Variants in RARB observed in about 807,000 individuals in gnomAD.
RARB encodes the protein HBV-activated protein.
A neutral mutation model predicts 51.9 loss-of-function variants in RARB; 17 were observed. The ratio of observed to expected loss-of-function variants is 0.33; its 90% CI spans 0.22 to 0.49. The LOEUF is 0.49. RARB is among the 20% of genes least tolerant of loss of function. The pLI is 0.99. For synonymous variants in RARB, 215 were observed against 195.4 expected (o/e 1.10, Z -0.84); for missense variants, 369 against 550.8 (o/e 0.67, Z 3.30).
chr3:25,149,817 C>G (rs1479761903), intron 4 of RARB, among the ~76,000 whole-genome samples: 9 of 152,334 alleles, frequency 5.9e-5, no homozygotes, highest in South Asian at 2.1e-4. Context: ...GTGTCATACT[C>G]CTCACGAGAG....
intron 3 of RARB, among the ~76,000 whole-genome samples, chr3:25,121,021 AC>A (rs913968827): frequency 2.6e-5 from 4 of 152,080 alleles, no homozygotes; most frequent in Admixed American, 2.6e-4. Context: ...ATAACCCCAA[AC>A]TGGTAATATA....
intron 2 of RARB, among the ~76,000 whole-genome samples, chr3:24,912,472 C>G (rs970588646): frequency 6.6e-6 from 1 of 152,070 alleles, no homozygotes; most frequent in Admixed American, 6.6e-5. Flanking sequence ...TGAGTATCTT[C>G]CAGATATAAG....
intron 5 of RARB, among the ~76,000 whole-genome samples, chr3:25,231,435 T>C (rs113130054): frequency 2.6e-5 from 4 of 152,262 alleles, no homozygotes; most frequent in South Asian, 2.1e-4. Context: ...GAAATCCTTA[T>C]AGACCTTTAG....
intron 3 of RARB, among the ~76,000 whole-genome samples, chr3:25,112,714 G>A (rs1177733161): frequency 1.3e-5 from 2 of 152,068 alleles, no homozygotes; most frequent in East Asian, 1.9e-4. Flanking sequence ...GGAGTTCTAG[G>A]CTGCAGTGAG....
At chr3:25,276,255 G>A (rs1417589758) in intron 5 of RARB, among the ~76,000 whole-genome samples, 1 of 152,094 alleles carries the variant, frequency 6.6e-6, no homozygotes, top group Non-Finnish European at 1.5e-5. Flanking sequence ...ATGTTTAGTA[G>A]TGATCTTGAG....
chr3:24,981,975 C>T (rs1411189480), intron 2 of RARB, among the ~76,000 whole-genome samples: 1 of 152,194 alleles, frequency 6.6e-6, no homozygotes, highest in Non-Finnish European at 1.5e-5. Flanking sequence ...AGTGTAGCTA[C>T]TGTGACCTTA....
intron 2 of RARB, among the ~76,000 whole-genome samples, chr3:24,892,012 T>A (rs572675922): frequency 1.3e-5 from 2 of 151,916 alleles, no homozygotes; most frequent in African/African-American, 4.8e-5. Flanking sequence ...AGAATACGGG[T>A]CCCGTGCCCA....
At chr3:24,901,572 A>C (rs1236438121) in intron 2 of RARB, among the ~76,000 whole-genome samples, 1 of 152,242 alleles carries the variant, frequency 6.6e-6, no homozygotes, top group African/African-American at 2.4e-5. Context: ...ATGTAACTAT[A>C]TCATTATCAA....
chr3:25,252,484 A>G (rs9841580), intron 5 of RARB, among the ~76,000 whole-genome samples: 2,953 of 152,298 alleles, frequency 0.019, 94 homozygotes, highest in African/African-American at 0.067. Context: ...TGAACATGGT[A>G]TATCTTTCCA....
chr3:25,078,541 T>TTC (rs1698922365), intron 3 of RARB, among the ~76,000 whole-genome samples: 1 of 151,336 alleles, frequency 6.6e-6, no homozygotes, highest in Admixed American at 6.6e-5. Context: ...TCTATTTTTT[T>TTC]TTTTTTTCTT....
intron 4 of RARB, among the ~76,000 whole-genome samples, chr3:25,138,542 A>C (rs540076269): frequency 2.0e-5 from 3 of 152,238 alleles, no homozygotes; most frequent in African/African-American, 7.2e-5. Flanking sequence ...TAGTAACATG[A>C]GTCTCTTTCT....
chr3:24,882,829 C>G (rs1265507767), intron 2 of RARB, among the ~76,000 whole-genome samples: 1 of 152,170 alleles, frequency 6.6e-6, no homozygotes, highest in Non-Finnish European at 1.5e-5. Context: ...CATGGGAAAT[C>G]CCGTTCTCCT....
intron 5 of RARB, among the ~76,000 whole-genome samples, chr3:25,410,700 A>T (rs576035837): frequency 6.6e-6 from 1 of 152,314 alleles, no homozygotes; most frequent in African/African-American, 2.4e-5. Context: ...TATAAGAACT[A>T]ATTTTTGGTA....
intron 2 of RARB, chr3:25,025,261 G>A (rs544052324): frequency 6.6e-6 from 1 of 152,156 alleles, no homozygotes; most frequent in African/African-American, 2.4e-5. Context: ...TGTCATTCAG[G>A]TGATAGCAAA....
intron 5 of RARB, chr3:25,324,092 T>A (rs977080247): frequency 1.3e-5 from 2 of 152,196 alleles, no homozygotes; most frequent in African/African-American, 4.8e-5. Flanking sequence ...AGATACTGTG[T>A]ACTATTGAAG....
intron 5 of RARB, among the ~76,000 whole-genome samples, chr3:25,380,591 G>C (rs1351500159): frequency 6.8e-6 from 1 of 147,122 alleles, no homozygotes; most frequent in Non-Finnish European, 1.5e-5. Context: ...TCTTGCTCAA[G>C]AAAAAAAATA....
intron 2 of RARB, among the ~76,000 whole-genome samples, chr3:24,952,873 G>GTT (rs1349516752): frequency 7.0e-6 from 1 of 142,274 alleles, no homozygotes; most frequent in Non-Finnish European, 1.6e-5. Context: ...AGTAAAACTG[G>GTT]TATTTTTTTT....
chr3:25,135,082 G>C (rs1490798888), intron 4 of RARB, among the ~76,000 whole-genome samples: 1 of 149,586 alleles, frequency 6.7e-6, no homozygotes, highest in African/African-American at 2.5e-5. Flanking sequence ...GAGTTTAATA[G>C]GCCTAGGACC....
rs200089689 is a variant in RARB at position 24,882,247 on chromosome 3, C to CA, written c.-380+23496dup. On this transcript the variant is annotated intron_variant, in intron 2 of 11. Transcript: ENST00000383772. ...GAGTTACATTAAACATAACTGATTA[C>CA]AGTCGGCCCTTTGTACCCGTGAATT... Among the ~76,000 whole-genome samples the CA allele has an allele frequency of 7.3e-3, 1,115 of 152,292 alleles. 13 individuals are homozygous for CA. Among genetic ancestry groups the CA allele is most frequent in the African/African-American group, 0.026 (1,063 of 41,558 alleles).
Sources: gnomAD v4.1 joint callset for allele counts (sites outside exome capture counted in the v4.1 genomes callset) on GRCh38, gnomAD v4.1.1 for gene constraint, MANE v1.5 for transcripts, NCBI Gene and HGNC (gene_info 2026-07-23, HGNC 2026-07-21) for gene names.